Variants in MAGI2 observed in about 807,000 individuals in gnomAD.
The protein encoded by MAGI2 is membrane-associated guanylate kinase, WW and PDZ domain-containing protein 2.
MAGI2 carries 35 observed loss-of-function variants against 133.3 expected under a neutral mutation model. The observed-to-expected ratio is 0.26, with a 90% CI of 0.20 to 0.35. The LOEUF (loss-of-function observed/expected upper bound fraction) is 0.35, where lower values mean the gene tolerates loss of function less well. MAGI2 is among the 10% of genes least tolerant of loss of function. MAGI2 has a pLI of 1.00. For synonymous variants in MAGI2, 729 were observed against 710.6 expected, an observed-to-expected ratio of 1.03 and a Z score of -0.41; for missense variants, 1,636 against 1,863.4, an observed-to-expected ratio of 0.88 and a Z score of 2.25.
chr7:78,195,977 T>C (rs1308408019), intron 11 of MAGI2, among the ~76,000 whole-genome samples: 1 of 152,134 alleles, frequency 6.6e-6, no homozygotes, highest in Admixed American at 6.5e-5. Flanking sequence ...GAAACTCTGC[T>C]CTGAGTATGC....
chr7:78,679,652 T>C (rs1012704954), intron 2 of MAGI2, among the ~76,000 whole-genome samples: 3 of 152,104 alleles, frequency 2.0e-5, no homozygotes, highest in Admixed American at 2.0e-4. Flanking sequence ...GCAAATGACT[T>C]CCAAAGAGAA....
intron 1 of MAGI2, among the ~76,000 whole-genome samples, chr7:79,214,407 C>CTCTCTCTATATATA (rs1554406633): frequency 5.6e-5 from 1 of 17,718 alleles, no homozygotes; most frequent in Non-Finnish European, 9.4e-5. Context: ...CTCTCTCTCT[C>CTCTCTCTATATATA]TATATATATA....
chr7:78,668,399 T>C (rs1183507889), intron 2 of MAGI2, among the ~76,000 whole-genome samples: 2 of 151,076 alleles, frequency 1.3e-5, no homozygotes, highest in Non-Finnish European at 1.5e-5. Context: ...TTAGTTTAAT[T>C]AGATCCCATT....
At chr7:78,801,181 A>G (rs1218444608) in intron 2 of MAGI2, among the ~76,000 whole-genome samples, 2 of 152,212 alleles carry the variant, frequency 1.3e-5, no homozygotes, top group Non-Finnish European at 2.9e-5. Flanking sequence ...AGGATAATTC[A>G]AAAGAAATTT....
At chr7:79,202,094 C>T (rs999151410) in intron 1 of MAGI2, among the ~76,000 whole-genome samples, 4 of 151,742 alleles carry the variant, frequency 2.6e-5, no homozygotes, top group African/African-American at 9.7e-5. Context: ...CACTCATGTT[C>T]TAGACAAAGA....
chr7:79,018,970 T>C (rs1809017728), intron 1 of MAGI2, among the ~76,000 whole-genome samples: 1 of 152,126 alleles, frequency 6.6e-6, no homozygotes, highest in African/African-American at 2.4e-5. Flanking sequence ...CTGAGAGTAT[T>C]AGACAGATCA....
Position 78,106,107 on chromosome 7 carries a change from A to T in MAGI2, c.3567+19587T>A, listed in dbSNP as rs190903358. ...TTAGCTCCTACATATAAGTAATAAC[A>T]TGAGAAATTTGTCTTTCTGTACCTG... On this transcript the variant is annotated intron_variant, in intron 20 of 21. Transcript: ENST00000354212. Among the ~76,000 whole-genome samples, 8 of 152,308 alleles carry T rather than the reference A, an allele frequency of 5.3e-5. No individual in the cohort carries two copies. In the East Asian group the frequency reaches 1.5e-3, roughly 29 times the overall value.
chr7:78,558,783 G>C (rs1800082384), intron 3 of MAGI2, among the ~76,000 whole-genome samples: 2 of 151,382 alleles, frequency 1.3e-5, no homozygotes, highest in South Asian at 4.2e-4. Flanking sequence ...CCCACGTGAG[G>C]GTGATCATAC....
chr7:78,695,174 G>A (rs1422325345), intron 2 of MAGI2, among the ~76,000 whole-genome samples: 4 of 151,622 alleles, frequency 2.6e-5, no homozygotes, highest in African/African-American at 4.8e-5. Context: ...GCAGAGAGCC[G>A]AGATCACACC....
At chr7:78,906,984 C>T (rs539744653) in intron 2 of MAGI2, among the ~76,000 whole-genome samples, 6 of 152,120 alleles carry the variant, frequency 3.9e-5, no homozygotes, top group East Asian at 1.9e-4. Flanking sequence ...CAAGTCCAGC[C>T]GACCTTTGAT....
chr7:78,651,098 T>G (rs189722863), intron 2 of MAGI2, among the ~76,000 whole-genome samples: 1 of 152,200 alleles, frequency 6.6e-6, no homozygotes, highest in Non-Finnish European at 1.5e-5. Context: ...TCTCATGTCA[T>G]GTTATTTCAA....
At position 79,399,110 on chromosome 7, in the gene MAGI2, T is replaced by TGGGG. The variant is rs1228846004; in HGVS notation, c.301+53909_301+53910insCCCC. 5.0e-3 allele frequency among the ~76,000 whole-genome samples: 731 copies of TGGGG among 146,300 alleles called. 11 individuals carry two copies. Among genetic ancestry groups the TGGGG allele is most frequent in the East Asian group, 0.016 (77 of 4,834 alleles). Reference sequence around the variant, plus strand: ...TTTTTCTTTTCTTTTTTTTTTTTTTTGGGAGATGGAGCCTCACTCTGTGGC... The same window carrying TGGGG: ...TTTTTCTTTTCTTTTTTTTTTTTTTTGGGGGGGAGATGGAGCCTCACTCTGTGGC... On this transcript the variant is annotated intron_variant, in intron 1 of 21. Transcript: ENST00000354212.
At chr7:78,712,387 C>T (rs73150733) in intron 2 of MAGI2, among the ~76,000 whole-genome samples, 139 of 152,248 alleles carry the variant, frequency 9.1e-4, no homozygotes, top group Non-Finnish European at 1.8e-3. Context: ...ATGATGAGAG[C>T]TATTTATAAA....
intron 12 of MAGI2, among the ~76,000 whole-genome samples, chr7:78,188,900 A>G (rs572723757): frequency 6.6e-6 from 1 of 152,328 alleles, no homozygotes; most frequent in South Asian, 2.1e-4. Flanking sequence ...AAAGATTTCC[A>G]CAGGCTTCAG....
intron 7 of MAGI2, chr7:78,347,267 T>TTA (rs1791018909): frequency 1.3e-5 from 2 of 152,302 alleles, no homozygotes; most frequent in Non-Finnish European, 1.5e-5. Context: ...CAGCAACATC[T>TTA]CAACAACCAA....
At chr7:78,280,653 A>G (rs557257040) in intron 9 of MAGI2, among the ~76,000 whole-genome samples, 1 of 152,226 alleles carries the variant, frequency 6.6e-6, no homozygotes, top group South Asian at 2.1e-4. Context: ...TGAGACGTTA[A>G]GTATGTTCCA....
At chr7:79,010,947 G>C (rs949368574) in intron 1 of MAGI2, 1 of 152,076 alleles carries the variant, frequency 6.6e-6, no homozygotes, top group African/African-American at 2.4e-5. Context: ...AAACTTCTTA[G>C]TGCAAAGCAG....
chr7:78,922,297 T>C lies in MAGI2; in HGVS notation c.418+84793A>G, dbSNP rs1366314948. Among the ~76,000 whole-genome samples the C allele has an allele frequency of 2.0e-5, 3 of 151,964 alleles. No homozygotes were observed. In the East Asian group the frequency reaches 5.8e-4, roughly 29 times the overall value. ...ATGCTGGTGTGCTGCACCCATTAAG[T>C]CGTCATTTAGCATTAGGTATTTCTC... On this transcript the variant is annotated intron_variant, in intron 2 of 21. Transcript: ENST00000354212.
intron 21 of MAGI2, among the ~76,000 whole-genome samples, chr7:78,069,894 T>G (rs1814305557): frequency 6.6e-6 from 1 of 151,962 alleles, no homozygotes; most frequent in African/African-American, 2.4e-5. Flanking sequence ...AAAATATGAC[T>G]CTTCATGATG....
Sources: allele counts gnomAD v4.1 joint callset (sites outside exome capture counted in the v4.1 genomes callset), GRCh38; gene constraint gnomAD v4.1.1; transcripts MANE v1.5; gene names NCBI Gene and HGNC (gene_info 2026-07-23, HGNC 2026-07-21).